GRID1: variants seen among roughly 807,000 people sequenced by gnomAD.
GRID1 encodes the protein glutamate ionotropic receptor delta type subunit 1, also known as glutamate receptor ionotropic, delta-1.
Under a neutral mutation model 98.0 loss-of-function variants are expected in GRID1, and 28 were observed. That is an observed-to-expected ratio of 0.29 (90% CI 0.21 to 0.39). The LOEUF (loss-of-function observed/expected upper bound fraction) is 0.39. Ranked by LOEUF, GRID1 falls within the 10% of genes least tolerant of loss-of-function variation. The pLI is 1.00. For synonymous variants in GRID1, 553 were observed against 538.5 expected, an observed-to-expected ratio of 1.03 and a Z score of -0.37; for missense variants, 1,111 against 1,340.5, an observed-to-expected ratio of 0.83 and a Z score of 2.67.
At chr10:85,819,822 G>A (rs1392350979) in intron 8 of GRID1, among the ~76,000 whole-genome samples, 2 of 151,986 alleles carry the variant, frequency 1.3e-5, no homozygotes, top group Non-Finnish European at 2.9e-5. Flanking sequence ...GCTGAGGCAG[G>A]AGAATCACTT....
At chr10:86,119,954 C>T (rs1589378041) in intron 4 of GRID1, among the ~76,000 whole-genome samples, 1 of 151,896 alleles carries the variant, frequency 6.6e-6, no homozygotes, top group African/African-American at 2.4e-5. Flanking sequence ...CCATGCCCGG[C>T]TAATTTTTTT....
chr10:85,607,545 TG>T (rs776566752), intron 15 of GRID1, among the ~76,000 whole-genome samples: 33 of 152,040 alleles, frequency 2.2e-4, no homozygotes, highest in Non-Finnish European at 4.0e-4. Flanking sequence ...GTAAGTGAAA[TG>T]GTCTCAGGAG....
At chr10:85,816,791 A>G (rs1312459428) in intron 8 of GRID1, among the ~76,000 whole-genome samples, 1 of 152,114 alleles carries the variant, frequency 6.6e-6, no homozygotes, top group East Asian at 1.9e-4. Context: ...TGTTCAAATA[A>G]TTTCATCATC....
Position 86,083,652 on chromosome 10 carries a change from G to A in GRID1, c.726+55167C>T, listed in dbSNP as rs535862528. On this transcript the variant is annotated intron_variant, in intron 4 of 15. Coordinates refer to ENST00000327946, the MANE Select transcript of GRID1 (RefSeq NM_017551.3). ...GTCCGTTCTGAGAAATGAAGGGTCT[G>A]TCATTAAATCACAAGGAATATAAGT... 2.6e-4 allele frequency among the ~76,000 whole-genome samples: 39 copies of A among 152,298 alleles called. No homozygotes were observed. In the South Asian group the frequency reaches 8.1e-3, roughly 32 times the overall value.
chr10:85,911,075 T>C (rs2882832), intron 5 of GRID1, among the ~76,000 whole-genome samples: 70,555 of 152,062 alleles, frequency 0.46, 18,848 homozygotes, highest in African/African-American at 0.75. Context: ...AATAAGGGTA[T>C]AAATGTGGGG....
At chr10:85,604,061 A>C (rs1200492689) in intron 15 of GRID1, among the ~76,000 whole-genome samples, 1 of 152,188 alleles carries the variant, frequency 6.6e-6, no homozygotes, top group African/African-American at 2.4e-5. Context: ...GATAGGCATG[A>C]GCCCTGACCA....
chr10:86,161,025 A>C (rs1845314275), intron 3 of GRID1, among the ~76,000 whole-genome samples: 1 of 152,110 alleles, frequency 6.6e-6, no homozygotes, highest in Admixed American at 6.6e-5. Context: ...TCTTGTGAAA[A>C]AGTGTTTACC....
intron 12 of GRID1, 21 bp from the exon 13 acceptor site, chr10:85,647,418 G>A (rs779192490): frequency 1.0e-5 from 16 of 1,593,906 alleles, no homozygotes; most frequent in East Asian, 4.5e-5. Flanking sequence ...GAAAGGCAGC[G>A]AGGCATGAGT....
intron 8 of GRID1, among the ~76,000 whole-genome samples, chr10:85,816,575 G>A (rs1842717752): frequency 6.6e-6 from 1 of 152,142 alleles, no homozygotes; most frequent in South Asian, 2.1e-4. Flanking sequence ...TTAGGGTGAT[G>A]GAACTATTCC....
intron 4 of GRID1, among the ~76,000 whole-genome samples, chr10:86,103,860 C>T (rs1251108429): frequency 6.6e-6 from 1 of 152,192 alleles, no homozygotes; most frequent in Non-Finnish European, 1.5e-5. Context: ...GAACCCTGCA[C>T]ATGGGGCAAT....
chr10:86,094,692 G>A (rs1352731832), intron 4 of GRID1, among the ~76,000 whole-genome samples: 4 of 152,106 alleles, frequency 2.6e-5, no homozygotes, highest in East Asian at 1.9e-4. Flanking sequence ...AATCACAGAC[G>A]ACACAAACAA....
At chr10:85,618,250 C>A (rs1204363504) in intron 14 of GRID1, among the ~76,000 whole-genome samples, 1 of 152,122 alleles carries the variant, frequency 6.6e-6, no homozygotes, top group Non-Finnish European at 1.5e-5. Flanking sequence ...GGCCCCTGTG[C>A]TTCCATGAGC....
chr10:86,182,616 T>C (rs550371329), intron 3 of GRID1, among the ~76,000 whole-genome samples: 1 of 152,336 alleles, frequency 6.6e-6, no homozygotes, highest in African/African-American at 2.4e-5. Context: ...AACATGGAGA[T>C]AAAAACTGTG....
chr10:86,070,493 C>A (rs934158951), intron 4 of GRID1, among the ~76,000 whole-genome samples: 3 of 152,196 alleles, frequency 2.0e-5, no homozygotes, highest in Admixed American at 2.0e-4. Context: ...CACCAGATGC[C>A]TTTTCCTGAC....
At chr10:86,350,092 A>G (rs568743395) in intron 2 of GRID1, among the ~76,000 whole-genome samples, 2 of 152,370 alleles carry the variant, frequency 1.3e-5, no homozygotes, top group South Asian at 4.1e-4. Context: ...TAGGAACAGC[A>G]TGTGCAAAGG....
At chr10:85,838,237 T>C (rs117522266) in intron 8 of GRID1, among the ~76,000 whole-genome samples, 3,881 of 152,212 alleles carry the variant, frequency 0.025, 99 homozygotes, top group Non-Finnish European at 0.037. Flanking sequence ...GTAAATATAT[T>C]CCAGGATATC....
At chr10:85,954,701 C>T (rs1284394648) in intron 4 of GRID1, among the ~76,000 whole-genome samples, 1 of 152,204 alleles carries the variant, frequency 6.6e-6, no homozygotes, top group Non-Finnish European at 1.5e-5. Flanking sequence ...CCTTATACAG[C>T]CTCCCAGGTC....
chr10:86,298,683 CCTCT>C (rs1378043773), intron 2 of GRID1, among the ~76,000 whole-genome samples: 2 of 152,160 alleles, frequency 1.3e-5, no homozygotes, highest in Non-Finnish European at 2.9e-5. Flanking sequence ...TCCTCACCTC[CCTCT>C]CTGTTTCTCA....
chr10:85,901,799 C>G (rs973513739), intron 5 of GRID1, among the ~76,000 whole-genome samples: 2 of 152,174 alleles, frequency 1.3e-5, no homozygotes, highest in African/African-American at 4.8e-5. Context: ...ATCATCTGTG[C>G]AGCTGCAAAC....
Sources: allele counts gnomAD v4.1 joint callset (sites outside exome capture counted in the v4.1 genomes callset), GRCh38; gene constraint gnomAD v4.1.1; transcripts MANE v1.5; gene names NCBI Gene and HGNC (gene_info 2026-07-23, HGNC 2026-07-21).